Variants in ALK observed in about 807,000 individuals in gnomAD.
ALK encodes ALK receptor tyrosine kinase.
A neutral mutation model predicts 163.1 loss-of-function variants in ALK; 74 were observed. That is an observed-to-expected ratio of 0.45 (90% CI 0.38 to 0.55). The LOEUF is 0.55. Ranked by LOEUF, ALK falls within the 20% of genes least tolerant of loss-of-function variation. The probability of loss-of-function intolerance (pLI) is 0.00; values close to 1 mark genes in which losing one functional copy is unlikely to be tolerated. For synonymous variants in ALK, 960 were observed against 843.2 expected (o/e 1.14, Z -2.40); for missense variants, 2,063 against 2,105.3 (o/e 0.98, Z 0.39).
At chr2:29,645,881 A>C (rs1336125081) in intron 3 of ALK, among the ~76,000 whole-genome samples, 1 of 151,964 alleles carries the variant, frequency 6.6e-6, no homozygotes, top group Non-Finnish European at 1.5e-5. Flanking sequence ...TCATCTCCCC[A>C]AGATGCTAAT....
intron 4 of ALK, among the ~76,000 whole-genome samples, chr2:29,409,146 G>A (rs1379653418): frequency 6.6e-6 from 1 of 152,134 alleles, no homozygotes; most frequent in Non-Finnish European, 1.5e-5. Context: ...TGCAACCCAA[G>A]GAGTGAGCCA....
intron 1 of ALK, among the ~76,000 whole-genome samples, chr2:29,806,087 G>C (rs1195374875): frequency 6.6e-6 from 1 of 152,172 alleles, no homozygotes; most frequent in African/African-American, 2.4e-5. Flanking sequence ...CAAATATCCA[G>C]ATGTTTAAAT....
chr2:29,697,003 A>G (rs1558447284), intron 2 of ALK, among the ~76,000 whole-genome samples: 1 of 151,996 alleles, frequency 6.6e-6, no homozygotes, highest in Non-Finnish European at 1.5e-5. Context: ...GCAAACCACC[A>G]TGGCACACAT....
intron 1 of ALK, among the ~76,000 whole-genome samples, chr2:29,906,253 T>C (rs926028712): frequency 6.6e-6 from 1 of 152,222 alleles, no homozygotes; most frequent in Non-Finnish European, 1.5e-5. Context: ...TTTCTCATTA[T>C]ATATTTATTT....
intron 1 of ALK, among the ~76,000 whole-genome samples, chr2:29,848,167 G>T (rs1216159126): frequency 2.0e-5 from 3 of 152,090 alleles, no homozygotes; most frequent in African/African-American, 7.2e-5. Context: ...GGAGGAAGTG[G>T]GGAGGCTTTT....
At chr2:29,419,363 A>C (rs1669961994) in intron 4 of ALK, among the ~76,000 whole-genome samples, 1 of 151,502 alleles carries the variant, frequency 6.6e-6, no homozygotes, top group African/African-American at 2.4e-5. Flanking sequence ...CAAGATGGTC[A>C]TTTCCCCATG....
chr2:29,203,635 C>T (rs6724013), intron 26 of ALK, among the ~76,000 whole-genome samples: 39,927 of 150,522 alleles, frequency 0.27, 6,619 homozygotes, highest in East Asian at 0.74. Flanking sequence ...TACAGGCACC[C>T]GCCACCACGC....
chr2:29,475,132 A>T (rs1313539851), intron 4 of ALK, among the ~76,000 whole-genome samples: 1 of 152,094 alleles, frequency 6.6e-6, no homozygotes, highest in Non-Finnish European at 1.5e-5. Flanking sequence ...GCATCAGACA[A>T]CTCGAGAGGG....
At chr2:29,296,762 T>C in intron 9 of ALK, 126 bp downstream of exon 9, 2 of 1,117,782 alleles carry the variant, frequency 1.8e-6, no homozygotes, top group Non-Finnish European at 2.7e-6. Flanking sequence ...CACGCGCACA[T>C]ATCGGTGTGT....
intron 23 of ALK, among the ~76,000 whole-genome samples, chr2:29,219,458 G>C (rs1220093388): frequency 6.6e-6 from 1 of 152,192 alleles, no homozygotes; most frequent in Non-Finnish European, 1.5e-5. Flanking sequence ...TGGGCTTTCT[G>C]GAACCACTGG....
At chr2:29,210,913 C>G (rs1669450137) in intron 24 of ALK, among the ~76,000 whole-genome samples, 1 of 152,138 alleles carries the variant, frequency 6.6e-6, no homozygotes, top group Non-Finnish European at 1.5e-5. Context: ...TCTCTGCTTA[C>G]CATTCTGGTC....
chr2:29,831,103 AGGAGG>A lies in ALK; in HGVS notation c.667+88885_667+88889del, dbSNP rs1558508721. Among the ~76,000 whole-genome samples the A allele has an allele frequency of 8.3e-4, 42 of 50,580 alleles. 8 individuals are homozygous for A. The highest frequency in any genetic ancestry group is 5.3e-3 in the South Asian group (5 of 952). The allele number at this position is 50,580 out of a possible 152,430, so 33.2% of individuals were successfully genotyped here. ...GAGGAGGAGGAGGAGGAGGAGGAGGAGGAGGAGAAGAAGAAGAAGAAGGGGAAGAA... is the reference window on the plus strand; with the variant it reads ...GAGGAGGAGGAGGAGGAGGAGGAGGAAGAAGAAGAAGAAGAAGGGGAAGAA... On this transcript the variant is annotated intron_variant, in intron 1 of 28. Transcript: ENST00000389048.
chr2:29,642,687 T>G lies in ALK; in HGVS notation c.952+52163A>C, dbSNP rs373078183. ...GTTTCTCTCCTGTCTCAGACTCAAC[T>G]CTCACCTATTCAGCTCTTCTTTAAA... On this transcript the variant is annotated intron_variant, in intron 3 of 28. Transcript: ENST00000389048. 3.9e-5 allele frequency among the ~76,000 whole-genome samples: 6 copies of G among 152,050 alleles called. No homozygotes were observed. In the East Asian group the frequency reaches 9.6e-4, roughly 24 times the overall value.
chr2:29,253,169 T>C (rs1664866612), intron 11 of ALK, among the ~76,000 whole-genome samples: 2 of 152,164 alleles, frequency 1.3e-5, no homozygotes, highest in African/African-American at 4.8e-5. Flanking sequence ...CTATTTTTAT[T>C]ATAAAGAGGG....
intron 4 of ALK, among the ~76,000 whole-genome samples, chr2:29,441,650 C>A (rs897820274): frequency 1.3e-5 from 2 of 152,212 alleles, no homozygotes; most frequent in African/African-American, 4.8e-5. Context: ...ACCTTAACAT[C>A]TGCCCTGGGG....
intron 5 of ALK, among the ~76,000 whole-genome samples, chr2:29,365,108 T>C (rs1200979826): frequency 6.6e-6 from 1 of 152,178 alleles, no homozygotes. Flanking sequence ...CACCGAGGTG[T>C]GCTGTCCTCA....
chr2:29,743,395 A>G (rs563974904), intron 1 of ALK, among the ~76,000 whole-genome samples: 1 of 152,224 alleles, frequency 6.6e-6, no homozygotes, highest in Admixed American at 6.5e-5. Context: ...AGTTATGTAC[A>G]TAAGACAGAG....
chr2:29,707,514 G>T (rs919418100), intron 2 of ALK, among the ~76,000 whole-genome samples: 4 of 152,180 alleles, frequency 2.6e-5, no homozygotes, highest in Admixed American at 6.5e-5. Flanking sequence ...CATCTTGAAG[G>T]ATGAAACAAT....
intron 3 of ALK, among the ~76,000 whole-genome samples, chr2:29,668,098 T>C (rs1007593949): frequency 1.3e-5 from 2 of 152,134 alleles, no homozygotes; most frequent in African/African-American, 4.8e-5. Context: ...TAGTCTCTAA[T>C]AATTCTTTGT....
Sources: gnomAD v4.1 joint callset for allele counts (sites outside exome capture counted in the v4.1 genomes callset) on GRCh38, gnomAD v4.1.1 for gene constraint, MANE v1.5 for transcripts, NCBI Gene and HGNC (gene_info 2026-07-23, HGNC 2026-07-21) for gene names.